PDZRN3: variants seen among roughly 807,000 people sequenced by gnomAD.
PDZRN3 encodes the protein PDZ domain containing ring finger 3.
Under a neutral mutation model 85.7 loss-of-function variants are expected in PDZRN3, and 38 were observed. That is an observed-to-expected ratio of 0.44 (90% CI 0.34 to 0.58). The LOEUF (loss-of-function observed/expected upper bound fraction) is 0.58. PDZRN3 is among the 20% of genes least tolerant of loss of function. The pLI is 0.01. For synonymous variants in PDZRN3, 759 were observed against 638.0 expected (o/e 1.19, Z -2.86); for missense variants, 1,629 against 1,506.4 (o/e 1.08, Z -1.35).
chr3:73,477,615 A>C (rs1337204793), intron 3 of PDZRN3, among the ~76,000 whole-genome samples: 6 of 152,178 alleles, frequency 3.9e-5, no homozygotes, highest in African/African-American at 1.4e-4. Flanking sequence ...CCCATAAATC[A>C]AGATTTTTAA....
At chr3:73,595,095 C>T (rs1221357734) in intron 3 of PDZRN3, among the ~76,000 whole-genome samples, 1 of 152,160 alleles carries the variant, frequency 6.6e-6, no homozygotes, top group African/African-American at 2.4e-5. Context: ...AAGGTGATGT[C>T]ATTGTCGTTA....
chr3:73,429,033 G>C (rs115885800), intron 3 of PDZRN3, among the ~76,000 whole-genome samples: 16,443 of 151,910 alleles, frequency 0.11, 1,216 homozygotes, highest in African/African-American at 0.22. Context: ...TGAGTAGCTG[G>C]GACTACAGGC....
chr3:73,414,028 T>A (rs1214087372), intron 3 of PDZRN3, among the ~76,000 whole-genome samples: 1 of 152,126 alleles, frequency 6.6e-6, no homozygotes, highest in Admixed American at 6.6e-5. Flanking sequence ...CTCAATGTGT[T>A]TGCCCTACAA....
intron 3 of PDZRN3, among the ~76,000 whole-genome samples, chr3:73,498,888 G>A (rs1281093766): frequency 1.3e-5 from 2 of 152,094 alleles, no homozygotes; most frequent in Non-Finnish European, 2.9e-5. Flanking sequence ...TGGCCCGTAT[G>A]TTAACTTTTT....
Position 73,383,957 on chromosome 3 carries a change from T to C in PDZRN3, c.2609A>G (p.His870Arg). ...LPSYHHSPYK[H>R]AHIPAHAQHY... ...CTGGGCGTGCGCCGGGATGTGCGCG[T>C]GCTTGTATGGGGAGTGGTGATAGGA... The change falls in exon 10 of 10, where the codon CAC (histidine) becomes CGC (arginine). Residue 870 changes from histidine to arginine, a missense_variant. Transcript: ENST00000263666. 6.2e-7 allele frequency: 1 copy of C among 1,600,682 alleles called. No homozygotes were observed. The highest frequency in any genetic ancestry group is 1.7e-4 in the Middle Eastern group (1 of 5,988).
At chr3:73,576,808 AGAGT>A (rs1702131161) in intron 3 of PDZRN3, among the ~76,000 whole-genome samples, 1 of 152,230 alleles carries the variant, frequency 6.6e-6, no homozygotes, top group South Asian at 2.1e-4. Flanking sequence ...CTATACATTT[AGAGT>A]TATAGACAAA....
chr3:73,405,626 T>C (rs1211574953), intron 3 of PDZRN3, among the ~76,000 whole-genome samples: 1 of 152,204 alleles, frequency 6.6e-6, no homozygotes, highest in Non-Finnish European at 1.5e-5. Context: ...CACTGACCCA[T>C]TCAAGTCACT....
At chr3:73,391,470 C>CA (rs1559652194) in intron 5 of PDZRN3, among the ~76,000 whole-genome samples, 1 of 152,218 alleles carries the variant, frequency 6.6e-6, no homozygotes, top group Non-Finnish European at 1.5e-5. Context: ...CCAAACCACC[C>CA]AGCCATTTCA....
intron 3 of PDZRN3, among the ~76,000 whole-genome samples, chr3:73,492,894 T>C (rs945501028): frequency 5.3e-5 from 8 of 151,806 alleles, no homozygotes; most frequent in Non-Finnish European, 1.2e-4. Context: ...ACCACATAAA[T>C]ATGTACAATT....
At position 73,383,210 on chromosome 3, in the gene PDZRN3, C is replaced by T; in HGVS notation, c.*155G>A. Reference sequence around the variant, plus strand: ...TTTCTCTCTCTTCCCTTAAAATAGACCTATGACACCCAGAGTTGTAGGGTT... The same window carrying T: ...TTTCTCTCTCTTCCCTTAAAATAGATCTATGACACCCAGAGTTGTAGGGTT... On this transcript the variant is annotated 3_prime_UTR_variant, in exon 10 of 10. Coordinates refer to ENST00000263666, the MANE Select transcript of PDZRN3 (RefSeq NM_015009.3). 3.2e-6 allele frequency: 2 copies of T among 627,934 alleles called. No homozygotes were observed. The highest frequency in any genetic ancestry group is 5.5e-6 in the Non-Finnish European group (2 of 365,740). 38.9% of individuals were successfully genotyped at this position (627,934 alleles called of 1,614,324 possible).
intron 3 of PDZRN3, among the ~76,000 whole-genome samples, chr3:73,464,586 A>AT (rs1416510838): frequency 6.6e-6 from 1 of 151,876 alleles, no homozygotes; most frequent in Admixed American, 6.6e-5. Context: ...TATCTTGTTT[A>AT]TTTTTCTTAT....
intron 3 of PDZRN3, among the ~76,000 whole-genome samples, chr3:73,560,117 G>A (rs1021462341): frequency 6.6e-6 from 1 of 152,182 alleles, no homozygotes; most frequent in East Asian, 1.9e-4. Context: ...CTGTAGGTAC[G>A]AACATGACTT....
chr3:73,416,875 G>GTTTTTTTTTTTTTTTT (rs1491373717), intron 3 of PDZRN3, among the ~76,000 whole-genome samples: 1 of 40,750 alleles, frequency 2.5e-5, no homozygotes, highest in Non-Finnish European at 5.2e-5. Context: ...GTTTTTTTTT[G>GTTTTTTTTTTTTTTTT]GTTTTTTTTT....
At chr3:73,605,494 G>A (rs1575760817) in intron 2 of PDZRN3, among the ~76,000 whole-genome samples, 1 of 152,270 alleles carries the variant, frequency 6.6e-6, no homozygotes, top group East Asian at 1.9e-4. Flanking sequence ...ACAAATGAAT[G>A]ATATGATTTT....
intron 3 of PDZRN3, among the ~76,000 whole-genome samples, chr3:73,469,014 A>T (rs55764535): frequency 6.6e-6 from 1 of 151,882 alleles, no homozygotes; most frequent in East Asian, 1.9e-4. Flanking sequence ...TATACTTATT[A>T]TTACTAGGCA....
At chr3:73,524,649 T>TC (rs1704478958) in intron 3 of PDZRN3, among the ~76,000 whole-genome samples, 1 of 152,194 alleles carries the variant, frequency 6.6e-6, no homozygotes, top group Non-Finnish European at 1.5e-5. Flanking sequence ...ATTTTTTTTT[T>TC]CCTAGACGGG....
chr3:73,570,617 G>A (rs143270291), intron 3 of PDZRN3, among the ~76,000 whole-genome samples: 320 of 152,190 alleles, frequency 2.1e-3, no homozygotes, highest in Non-Finnish European at 3.6e-3. Context: ...CCAAATGACC[G>A]GCTGCCTAGA....
At chr3:73,384,960 G>C in intron 9 of PDZRN3, 30 bp from the exon 10 acceptor site, 4 of 1,562,336 alleles carry the variant, frequency 2.6e-6, no homozygotes, top group Non-Finnish European at 2.6e-6. Context: ...AAGGGTCACA[G>C]TGAGGGAGGC....
At chr3:73,387,936 G>T in intron 8 of PDZRN3, 32 bp downstream of exon 8, 1 of 1,006,876 alleles carries the variant, frequency 9.9e-7, no homozygotes, top group Non-Finnish European at 1.5e-6. Context: ...TAGAAATATA[G>T]ACCCAGTTTC....
Sources: gnomAD v4.1 joint callset for allele counts (sites outside exome capture counted in the v4.1 genomes callset) on GRCh38, gnomAD v4.1.1 for gene constraint, MANE v1.5 for transcripts, NCBI Gene and HGNC (gene_info 2026-07-23, HGNC 2026-07-21) for gene names.